The following TMEM117 variants were observed in gnomAD, a reference collection of about 807,000 sequenced individuals.
TMEM117 encodes the protein transmembrane protein 117.
Under a neutral mutation model 52.4 loss-of-function variants are expected in TMEM117, and 27 were observed. The ratio of observed to expected loss-of-function variants is 0.51; its 90% CI spans 0.38 to 0.71. The LOEUF (loss-of-function observed/expected upper bound fraction) is 0.71, where lower values mean the gene tolerates loss of function less well. TMEM117 is among the 30% of genes least tolerant of loss of function. The probability of loss-of-function intolerance (pLI) is 0.00; values close to 1 mark genes in which losing one functional copy is unlikely to be tolerated. For synonymous variants in TMEM117, 215 were observed against 206.3 expected, an observed-to-expected ratio of 1.04 and a Z score of -0.36; for missense variants, 556 against 630.5, an observed-to-expected ratio of 0.88 and a Z score of 1.26.
At chr12:44,079,992 T>C (rs1309019070) in intron 3 of TMEM117, among the ~76,000 whole-genome samples, 2 of 126,620 alleles carry the variant, frequency 1.6e-5, no homozygotes, top group Non-Finnish European at 3.2e-5. Flanking sequence ...CATTCCAGCC[T>C]GGGCGACAGA....
At chr12:44,329,568 T>A (rs535853697) in intron 6 of TMEM117, among the ~76,000 whole-genome samples, 1 of 152,092 alleles carries the variant, frequency 6.6e-6, no homozygotes, top group Non-Finnish European at 1.5e-5. Flanking sequence ...GTCAGAATAT[T>A]GTTTTCTTCA....
At chr12:44,145,762 A>G (rs747767119) in intron 4 of TMEM117, among the ~76,000 whole-genome samples, 9 of 152,206 alleles carry the variant, frequency 5.9e-5, no homozygotes, top group Non-Finnish European at 1.3e-4. Flanking sequence ...GCAGGAGGCT[A>G]AGATGATATG....
chr12:44,105,311 G>A (rs1472927192), intron 3 of TMEM117, among the ~76,000 whole-genome samples: 1 of 151,718 alleles, frequency 6.6e-6, no homozygotes, highest in Non-Finnish European at 1.5e-5. Flanking sequence ...TTGATCTCTA[G>A]AATTTTTAAA....
intron 3 of TMEM117, among the ~76,000 whole-genome samples, chr12:44,070,346 C>T (rs1048840072): frequency 1.3e-5 from 2 of 152,166 alleles, no homozygotes; most frequent in African/African-American, 4.8e-5. Flanking sequence ...TTAGCCACAT[C>T]TACTTGGAAA....
At position 43,944,293 on chromosome 12, in the gene TMEM117, A is replaced by G. The variant is rs201423276; in HGVS notation, c.361A>G (p.Ile121Val). The G allele has an allele frequency of 1.5e-4, 249 of 1,613,176 alleles. No homozygotes were observed. In the East Asian group the frequency reaches 5.0e-3, roughly 32 times the overall value. Residue 121 changes from isoleucine (I) to valine (V), a missense_variant, in exon 3 of 8, where the codon ATA becomes GTA. Ile to Val is a conservative substitution (Grantham distance 29). This residue lies in a region of TMEM117 where 328 missense variants were observed against 371.4 expected (regional missense o/e 0.88). Transcript: ENST00000266534. ...CTTCAGCACAATTCTCTTTCTCTTC[A>G]TATTTTCTCACATATACAACACGAT... The part of the protein sequence containing the change: ...MFFSTILFLF[I>V]FSHIYNTILL...
intron 4 of TMEM117, among the ~76,000 whole-genome samples, chr12:44,208,807 A>G (rs1949608405): frequency 6.7e-6 from 1 of 149,262 alleles, no homozygotes; most frequent in Admixed American, 6.8e-5. Context: ...TTTTTACACA[A>G]CATGCAGCTG....
chr12:44,287,129 C>T (rs1329030622), intron 5 of TMEM117, among the ~76,000 whole-genome samples: 6 of 152,166 alleles, frequency 3.9e-5, no homozygotes, highest in Non-Finnish European at 8.8e-5. Context: ...CTCTGTTAAC[C>T]CTTCTTAGTC....
At chr12:44,239,790 C>T (rs903339683) in intron 5 of TMEM117, among the ~76,000 whole-genome samples, 3 of 152,098 alleles carry the variant, frequency 2.0e-5, no homozygotes, top group African/African-American at 4.8e-5. Context: ...CATACACATG[C>T]TCTCATACAC....
At chr12:44,098,889 A>G (rs908510982) in intron 3 of TMEM117, among the ~76,000 whole-genome samples, 13 of 152,086 alleles carry the variant, frequency 8.5e-5, no homozygotes, top group Non-Finnish European at 1.9e-4. Flanking sequence ...GTTTCCTTAT[A>G]GTGGTTCCCT....
intron 5 of TMEM117, among the ~76,000 whole-genome samples, chr12:44,262,533 A>G (rs1365382206): frequency 1.3e-5 from 2 of 152,238 alleles, no homozygotes; most frequent in Non-Finnish European, 2.9e-5. Flanking sequence ...TCATACTAAG[A>G]TAGCCACCAG....
intron 2 of TMEM117, among the ~76,000 whole-genome samples, chr12:43,865,023 C>T (rs1292962562): frequency 6.6e-6 from 1 of 152,028 alleles, no homozygotes; most frequent in Non-Finnish European, 1.5e-5. Context: ...CAGCTTCACT[C>T]CTGAGGCAGC....
intron 3 of TMEM117, among the ~76,000 whole-genome samples, chr12:43,966,591 G>C (rs1406195618): frequency 6.6e-6 from 1 of 152,150 alleles, no homozygotes; most frequent in African/African-American, 2.4e-5. Context: ...GATGCACACT[G>C]AGTTTTCATA....
chr12:44,071,854 T>C (rs553828932), intron 3 of TMEM117, among the ~76,000 whole-genome samples: 1 of 152,288 alleles, frequency 6.6e-6, no homozygotes, highest in Non-Finnish European at 1.5e-5. Context: ...CTAAGGAGTG[T>C]TATGAAATGC....
At chr12:43,810,698 G>A in the TMEM117 span, among the ~76,000 whole-genome samples, 1 of 152,200 alleles carries the variant, frequency 6.6e-6, no homozygotes, top group Non-Finnish European at 1.5e-5. Flanking sequence ...GATTATGGGA[G>A]AGTTAAAGCT....
chr12:44,154,258 A>G (rs922970840), intron 4 of TMEM117, among the ~76,000 whole-genome samples: 3 of 152,080 alleles, frequency 2.0e-5, no homozygotes, highest in Admixed American at 2.0e-4. Flanking sequence ...ATATCAGTTA[A>G]AACAGAAGAT....
At chr12:44,360,866 A>C (rs1182148538) in intron 6 of TMEM117, among the ~76,000 whole-genome samples, 3 of 152,152 alleles carry the variant, frequency 2.0e-5, no homozygotes, top group Non-Finnish European at 4.4e-5. Context: ...GGTTTTAAGT[A>C]ATGTTGCAAA....
intron 3 of TMEM117, among the ~76,000 whole-genome samples, chr12:44,089,151 CTA>C (rs1043786150): frequency 3.9e-5 from 6 of 151,908 alleles, no homozygotes; most frequent in Non-Finnish European, 8.8e-5. Context: ...GGGTAAGAAG[CTA>C]TAAATAACAA....
At chr12:44,047,031 T>G (rs1946890877) in intron 3 of TMEM117, among the ~76,000 whole-genome samples, 1 of 152,146 alleles carries the variant, frequency 6.6e-6, no homozygotes, top group African/African-American at 2.4e-5. Context: ...ATACTGAGTA[T>G]CAACTTGATT....
At chr12:43,932,286 T>G (rs1370475292) in intron 2 of TMEM117, among the ~76,000 whole-genome samples, 2 of 151,164 alleles carry the variant, frequency 1.3e-5, no homozygotes, top group Non-Finnish European at 2.9e-5. Flanking sequence ...ATATTTTTAA[T>G]AAAAATTCTT....
Sources: gnomAD v4.1 joint callset for allele counts (sites outside exome capture counted in the v4.1 genomes callset) on GRCh38, gnomAD v4.1.1 for gene constraint, gnomAD v4.1.1 regional missense constraint, MANE v1.5 for transcripts, NCBI Gene and HGNC (gene_info 2026-07-23, HGNC 2026-07-21) for gene names.